Variants in SLC14A2 observed in about 807,000 individuals in gnomAD.
SLC14A2 encodes the protein solute carrier family 14 member 2, also known as urea transporter 2.
Under a neutral mutation model 104.6 loss-of-function variants are expected in SLC14A2, and 91 were observed. The ratio of observed to expected loss-of-function variants is 0.87; its 90% CI spans 0.73 to 1.04. The LOEUF is 1.04. Among genes scored for constraint, SLC14A2 ranks in the 50% least tolerant of loss-of-function variants. The probability of loss-of-function intolerance (pLI) is 0.00; values close to 1 mark genes in which losing one functional copy is unlikely to be tolerated. For missense variants in SLC14A2, 1,189 were observed against 1,156.0 expected (o/e 1.03, Z -0.41); for synonymous variants, 476 against 466.4 (o/e 1.02, Z -0.27).
chr18:45,641,223 A>G lies in SLC14A2; in HGVS notation c.1006A>G (p.Thr336Ala). 6.2e-7 allele frequency: 1 copy of G among 1,614,076 alleles called. No individual in the cohort carries two copies. The highest frequency in any genetic ancestry group is 8.5e-7 in the Non-Finnish European group (1 of 1,179,984). ...TTGTCCCATAGCCCTGTCAGTGGCCACACCCTTCGAGACCATCTACACAGG... is the reference window on the plus strand; with the variant it reads ...TTGTCCCATAGCCCTGTCAGTGGCCGCACCCTTCGAGACCATCTACACAGG... Reference protein sequence around the residue: ...VGLLAALSVATPFETIYTGLW... With the variant: ...VGLLAALSVAAPFETIYTGLW... Residue 336 changes from threonine to alanine, a missense_variant, in exon 8 of 20, where the codon ACA becomes GCA. Transcript: ENST00000255226.
intron 2 of SLC14A2, among the ~76,000 whole-genome samples, chr18:45,501,767 C>T (rs971620717): frequency 4.6e-5 from 7 of 152,260 alleles, no homozygotes; most frequent in African/African-American, 1.7e-4. Flanking sequence ...CAGAGTGGTC[C>T]CAGAGTCTTG....
intron 2 of SLC14A2, among the ~76,000 whole-genome samples, chr18:45,495,574 A>G (rs1047843718): frequency 3.9e-5 from 6 of 152,168 alleles, no homozygotes; most frequent in African/African-American, 1.4e-4. Context: ...CAACCTTGGG[A>G]TTATATCAAT....
chr18:45,317,959 ACCTTTGGAGCCCCACCTTT>A (rs901463393), intron 1 of SLC14A2, among the ~76,000 whole-genome samples: 10 of 151,894 alleles, frequency 6.6e-5, no homozygotes, highest in East Asian at 5.8e-4. Flanking sequence ...TTGGAGCCCC[ACCTTTGGAGCCCCACCTTT>A]CCTTTGGAGC....
chr18:45,434,639 G>C (rs1315136297), intron 1 of SLC14A2, among the ~76,000 whole-genome samples: 1 of 152,138 alleles, frequency 6.6e-6, no homozygotes, highest in Non-Finnish European at 1.5e-5. Flanking sequence ...TTACTAACTG[G>C]CAGCCTGAAG....
chr18:45,276,970 G>T (rs1406481467), intron 1 of SLC14A2, among the ~76,000 whole-genome samples: 4 of 152,122 alleles, frequency 2.6e-5, no homozygotes, highest in Non-Finnish European at 5.9e-5. Flanking sequence ...TGGGCCTTTG[G>T]CCTTTATCTT....
chr18:45,294,577 G>T (rs2084902190), intron 1 of SLC14A2, among the ~76,000 whole-genome samples: 1 of 152,188 alleles, frequency 6.6e-6, no homozygotes, highest in Non-Finnish European at 1.5e-5. Context: ...GCATGCTTGG[G>T]CCCCATACAT....
At chr18:45,619,249 G>A (rs1599073157) in intron 1 of SLC14A2, among the ~76,000 whole-genome samples, 3 of 152,360 alleles carry the variant, frequency 2.0e-5, no homozygotes, top group African/African-American at 7.2e-5. Context: ...TCTCCCCAGG[G>A]CTGGGAGGGC....
chr18:45,248,694 C>T (rs1209736714), intron 1 of SLC14A2, among the ~76,000 whole-genome samples: 2 of 152,198 alleles, frequency 1.3e-5, no homozygotes, highest in Non-Finnish European at 2.9e-5. Flanking sequence ...GCCACAAGTT[C>T]CACCCTGGCC....
intron 1 of SLC14A2, among the ~76,000 whole-genome samples, chr18:45,393,845 T>C (rs1383423913): frequency 6.6e-6 from 1 of 152,210 alleles, no homozygotes; most frequent in Non-Finnish European, 1.5e-5. Flanking sequence ...CATATGGGAC[T>C]CTGATTCTCT....
chr18:45,305,624 A>G (rs950408974), intron 1 of SLC14A2, among the ~76,000 whole-genome samples: 4 of 152,240 alleles, frequency 2.6e-5, no homozygotes, highest in East Asian at 3.9e-4. Flanking sequence ...TGAACTCTCA[A>G]TTAGACCTGG....
chr18:45,363,121 C>T (rs768776566), intron 1 of SLC14A2, among the ~76,000 whole-genome samples: 6 of 152,224 alleles, frequency 3.9e-5, no homozygotes, highest in Admixed American at 3.3e-4. Context: ...CATTTCACAG[C>T]GATATTGTTT....
chr18:45,480,894 T>C lies in SLC14A2; in HGVS notation c.-124-2339T>C, dbSNP rs911064237. 2.0e-5 allele frequency among the ~76,000 whole-genome samples: 3 copies of C among 152,240 alleles called. No individual in the cohort carries two copies. The South Asian group carries it at 6.2e-4, about 32-fold the overall frequency. On this transcript the variant is annotated intron_variant, in intron 1 of 20. Coordinates refer to the SLC14A2 transcript ENST00000586448. The stretch of plus-strand genomic sequence containing the variant: ...CAGCATGAGTCAGAATGCTTCTGGT[T>C]ATAACCAAAGTTCTTTTCTTCTTCC...
chr18:45,298,309 A>C (rs902963382), intron 1 of SLC14A2, among the ~76,000 whole-genome samples: 3 of 152,216 alleles, frequency 2.0e-5, no homozygotes, highest in Non-Finnish European at 4.4e-5. Flanking sequence ...GCCGTTACTT[A>C]GAGAAAAGGC....
At chr18:45,310,581 A>G (rs540773494) in intron 1 of SLC14A2, among the ~76,000 whole-genome samples, 1 of 152,350 alleles carries the variant, frequency 6.6e-6, no homozygotes, top group South Asian at 2.1e-4. Context: ...TAAAAGGAAC[A>G]CTATCCTAGG....
chr18:45,302,474 G>C (rs1054299374), intron 1 of SLC14A2, among the ~76,000 whole-genome samples: 4 of 152,166 alleles, frequency 2.6e-5, no homozygotes, highest in Admixed American at 1.3e-4. Flanking sequence ...GAAAGTTATG[G>C]ACAGAGGCCT....
intron 1 of SLC14A2, among the ~76,000 whole-genome samples, chr18:45,334,963 C>T (rs1315114479): frequency 1.2e-4 from 19 of 152,170 alleles, no homozygotes; most frequent in Admixed American, 1.2e-3. Flanking sequence ...GAAGTGCTCC[C>T]ACAAGAATTT....
intron 1 of SLC14A2, among the ~76,000 whole-genome samples, chr18:45,402,253 A>C (rs1279537104): frequency 1.3e-5 from 2 of 152,176 alleles, no homozygotes; most frequent in Non-Finnish European, 2.9e-5. Flanking sequence ...CTGCAAAAAA[A>C]AGTTTCTCTT....
At position 45,564,008 on chromosome 18, in the gene SLC14A2, C is replaced by T. The variant is rs2543021; in HGVS notation, c.-34-60623C>T. ...TGAAACTTACTAACCAGATTGTCAT[C>T]GATGCCCTCATTGTAGTGGCGTATA... is the stretch of plus-strand genomic sequence containing the variant. On this transcript the variant is annotated intron_variant, in intron 2 of 20. Transcript: ENST00000586448. 2.7e-3 allele frequency among the ~76,000 whole-genome samples: 408 copies of T among 152,296 alleles called. 6 individuals carry two copies. The highest frequency in any genetic ancestry group is 9.5e-3 in the African/African-American group (394 of 41,562).
chr18:45,562,761 C>T lies in SLC14A2; in HGVS notation c.-34-61870C>T, dbSNP rs79038678. ...ATTAGGGATGCTGAGCTCTGGCCCC[C>T]GGAGAGGAGGGAGGGAAGGAAAAAA... On this transcript the variant is annotated intron_variant, in intron 2 of 20. Coordinates refer to the SLC14A2 transcript ENST00000586448. Among the ~76,000 whole-genome samples the T allele has an allele frequency of 7.2e-3, 1,081 of 151,056 alleles. 3 individuals are homozygous for T. Among genetic ancestry groups the T allele is most frequent in the Non-Finnish European group, 0.011 (769 of 67,820 alleles).
Sources: gnomAD v4.1 joint callset for allele counts (sites outside exome capture counted in the v4.1 genomes callset) on GRCh38, gnomAD v4.1.1 for gene constraint, MANE v1.5 for transcripts, NCBI Gene and HGNC (gene_info 2026-07-23, HGNC 2026-07-21) for gene names.